Variants in GRID2 observed in about 807,000 individuals in gnomAD.
GRID2 encodes glutamate receptor ionotropic, delta-2.
In GRID2, 33 loss-of-function variants were observed where a neutral mutation model predicts 114.8. The ratio of observed to expected loss-of-function variants is 0.29; its 90% CI spans 0.22 to 0.38. The LOEUF (loss-of-function observed/expected upper bound fraction) is 0.38, where lower values mean the gene tolerates loss of function less well. Among genes scored for constraint, GRID2 ranks in the 10% least tolerant of loss-of-function variants. The pLI, the probability that GRID2 is intolerant of heterozygous loss-of-function variation, is 1.00. For missense variants in GRID2, 1,184 were observed against 1,257.7 expected (o/e 0.94, Z 0.89); for synonymous variants, 505 against 449.9 (o/e 1.12, Z -1.55).
chr4:93,631,398 A>T (rs1456688972), intron 14 of GRID2, among the ~76,000 whole-genome samples: 1 of 152,186 alleles, frequency 6.6e-6, no homozygotes, highest in East Asian at 1.9e-4. Context: ...CTGGTGTGTG[A>T]TGCTCCCCTT....
chr4:93,291,318 GT>G (rs958259235), intron 8 of GRID2, among the ~76,000 whole-genome samples: 1 of 152,154 alleles, frequency 6.6e-6, no homozygotes, highest in Admixed American at 6.5e-5. Flanking sequence ...AAGGGACAAG[GT>G]TGCAATTTTG....
Position 93,455,933 on chromosome 4 carries a change from A to G in GRID2, c.1817A>G (p.Tyr606Cys), listed in dbSNP as rs777890523. 11 of 1,610,994 alleles carry G rather than the reference A, an allele frequency of 6.8e-6. No individual in the cohort carries two copies. The Admixed American group carries it at 1.8e-4, about 27-fold the overall frequency. Residue 606 changes from tyrosine (Y) to cysteine (C), a missense_variant, in exon 11 of 16, where the codon TAC becomes TGC. Tyr to Cys is a radical substitution (Grantham distance 194). This residue lies in a region of GRID2 where 717 missense variants were observed against 796.9 expected (regional missense o/e 0.90). Transcript: ENST00000282020. The stretch of plus-strand genomic sequence containing the variant: ...GGATCAATGACGTCTACTACTCTCT[A>G]CAACTCCATGTGGTTTGTGTATGGA... The part of the protein sequence containing the change: ...QMGSMTSTTL[Y>C]NSMWFVYGSF...
At chr4:92,695,591 T>A (rs1033630697) in intron 2 of GRID2, among the ~76,000 whole-genome samples, 1 of 151,982 alleles carries the variant, frequency 6.6e-6, no homozygotes, top group South Asian at 2.1e-4. Context: ...GAAAAAAAAA[T>A]AAAAGATAAA....
rs1724912474 is a variant in GRID2, at chr4:93,036,152, C to T, written c.245-48843C>T. 1.3e-5 allele frequency among the ~76,000 whole-genome samples: 2 copies of T among 152,024 alleles called. 1 individual carries two copies. The highest frequency in any genetic ancestry group is 1.3e-4 in the Admixed American group (2 of 15,242). ...TTAGATTTCTCCCTTAGCCTTTGGG[C>T]CAAAAGGTGGCAATAATCTTCTTAT... On this transcript the variant is annotated intron_variant, in intron 2 of 15. Transcript: ENST00000282020.
At chr4:93,192,117 G>T (rs995104759) in intron 4 of GRID2, among the ~76,000 whole-genome samples, 1 of 152,050 alleles carries the variant, frequency 6.6e-6, no homozygotes, top group Non-Finnish European at 1.5e-5. Context: ...CATGATTCTA[G>T]AAGACAGGAA....
intron 1 of GRID2, among the ~76,000 whole-genome samples, chr4:92,425,929 G>A (rs1732139374): frequency 6.6e-6 from 1 of 151,984 alleles, no homozygotes; most frequent in African/African-American, 2.4e-5. Context: ...TTTTAATCAG[G>A]AAAATTATCC....
chr4:92,458,244 G>A (rs961098675), intron 1 of GRID2, among the ~76,000 whole-genome samples: 5 of 152,104 alleles, frequency 3.3e-5, no homozygotes, highest in East Asian at 1.9e-4. Context: ...TGATAGGCAC[G>A]GTGAGAACAA....
At chr4:92,411,655 G>GTGTGTGTGTGTATATATATATA in intron 1 of GRID2, among the ~76,000 whole-genome samples, 1 of 84,722 alleles carries the variant, frequency 1.2e-5, no homozygotes, top group African/African-American at 5.9e-5. Flanking sequence ...GTGTGTGTGT[G>GTGTGTGTGTGTATATATATATA]TATATATATA....
intron 2 of GRID2, among the ~76,000 whole-genome samples, chr4:92,654,086 T>C: frequency 6.6e-6 from 1 of 152,082 alleles, no homozygotes; most frequent in East Asian, 1.9e-4. Flanking sequence ...TGCTGTATGT[T>C]TTAGTGATCT....
chr4:92,519,305 A>G (rs1183477216), intron 1 of GRID2, among the ~76,000 whole-genome samples: 2 of 151,884 alleles, frequency 1.3e-5, no homozygotes, highest in African/African-American at 4.8e-5. Flanking sequence ...AATTCTACCC[A>G]TAAGTTATTG....
chr4:92,454,585 C>A (rs567618188), intron 1 of GRID2, among the ~76,000 whole-genome samples: 1 of 152,248 alleles, frequency 6.6e-6, no homozygotes, highest in South Asian at 2.1e-4. Flanking sequence ...GCCTGTAATC[C>A]CAGCACTTTG....
chr4:92,360,398 T>C (rs899035976), intron 1 of GRID2, among the ~76,000 whole-genome samples: 1 of 151,934 alleles, frequency 6.6e-6, no homozygotes, highest in Non-Finnish European at 1.5e-5. Context: ...CTCTGCCTGT[T>C]TATGCATTCA....
chr4:92,915,447 T>C (rs1425068554), intron 2 of GRID2, among the ~76,000 whole-genome samples: 1 of 152,152 alleles, frequency 6.6e-6, no homozygotes, highest in Non-Finnish European at 1.5e-5. Context: ...TATGCTAGTG[T>C]ACTTATTTTG....
At chr4:92,558,837 A>G (rs1038961254) in intron 1 of GRID2, among the ~76,000 whole-genome samples, 1 of 149,646 alleles carries the variant, frequency 6.7e-6, no homozygotes, top group South Asian at 2.1e-4. Context: ...TGAATTCATT[A>G]CTAGAGCTGA....
At chr4:92,998,232 C>A (rs1301497989) in intron 2 of GRID2, among the ~76,000 whole-genome samples, 1 of 152,058 alleles carries the variant, frequency 6.6e-6, no homozygotes, top group East Asian at 1.9e-4. Flanking sequence ...ACATTGAAAT[C>A]ATTTCATTAT....
chr4:92,438,428 A>T (rs1732843947), intron 1 of GRID2, among the ~76,000 whole-genome samples: 1 of 152,042 alleles, frequency 6.6e-6, no homozygotes. Flanking sequence ...CCTGTCCTTT[A>T]TCTTAATATC....
chr4:92,530,524 A>AAG (rs1195943987), intron 1 of GRID2, among the ~76,000 whole-genome samples: 31 of 150,400 alleles, frequency 2.1e-4, no homozygotes, highest in Admixed American at 6.6e-4. Context: ...AAAAAAAAAA[A>AAG]AGAGAGACTT....
chr4:92,879,283 G>A (rs1419131098), intron 2 of GRID2, among the ~76,000 whole-genome samples: 4 of 152,290 alleles, frequency 2.6e-5, no homozygotes, highest in East Asian at 3.9e-4. Flanking sequence ...AAATACTGAT[G>A]TGACTGACCC....
At chr4:93,493,718 T>G (rs1727253570) in intron 12 of GRID2, among the ~76,000 whole-genome samples, 1 of 151,716 alleles carries the variant, frequency 6.6e-6, no homozygotes, top group Non-Finnish European at 1.5e-5. Context: ...AGGAGAAGCC[T>G]GTCTCAAATT....
Sources: gnomAD v4.1 joint callset for allele counts (sites outside exome capture counted in the v4.1 genomes callset) on GRCh38, gnomAD v4.1.1 for gene constraint, gnomAD v4.1.1 regional missense constraint, MANE v1.5 for transcripts, NCBI Gene and HGNC (gene_info 2026-07-23, HGNC 2026-07-21) for gene names.